Variants in NLGN4X observed in about 807,000 individuals in gnomAD.
NLGN4X encodes neuroligin 4 X-linked.
A neutral mutation model predicts 40.3 loss-of-function variants in NLGN4X; 3 were observed. The observed-to-expected ratio is 0.07, with a 90% CI of 0.03 to 0.19. The LOEUF is 0.19. Ranked by LOEUF, NLGN4X falls within the 10% of genes least tolerant of loss-of-function variation. The pLI is 1.00. For synonymous variants in NLGN4X, 270 were observed against 306.8 expected (o/e 0.88, Z 1.25); for missense variants, 382 against 708.3 (o/e 0.54, Z 5.23).
intron 3 of NLGN4X, among the ~76,000 whole-genome samples, chrX:5,996,448 ACAGAG>A (rs1193449290): frequency 3.6e-5 from 4 of 111,704 alleles, no homozygotes; most frequent in Non-Finnish European, 7.5e-5. Flanking sequence ...CTCCACTTAC[ACAGAG>A]CAAAGGAGGC....
intron 1 of NLGN4X, among the ~76,000 whole-genome samples, chrX:6,202,469 G>T (rs1479802407): frequency 9.2e-6 from 1 of 108,169 alleles, no homozygotes; most frequent in African/African-American, 3.4e-5. Context: ...TCCCGAGTAG[G>T]TAGGACTACA....
At chrX:6,203,751 G>A (rs927317883) in intron 1 of NLGN4X, among the ~76,000 whole-genome samples, 1 of 112,280 alleles carries the variant, frequency 8.9e-6, no homozygotes, top group African/African-American at 3.2e-5. Context: ...ACATCATGAC[G>A]GACCCTGAGC....
At chrX:6,136,926 G>A (rs776376642) in intron 2 of NLGN4X, among the ~76,000 whole-genome samples, 312 of 112,251 alleles carry the variant, frequency 2.8e-3, no homozygotes, top group African/African-American at 9.5e-3. Context: ...GAGGATTTTA[G>A]GAACCAAAAA....
intron 1 of NLGN4X, among the ~76,000 whole-genome samples, chrX:6,210,558 C>T (rs1394312367): frequency 2.7e-5 from 3 of 112,016 alleles, no homozygotes; most frequent in Non-Finnish European, 5.6e-5. Context: ...ATTTACCCAG[C>T]AGCATTCCTT....
intron 3 of NLGN4X, among the ~76,000 whole-genome samples, chrX:6,028,009 GT>G (rs1214067929): frequency 9.1e-6 from 1 of 109,767 alleles, no homozygotes; most frequent in African/African-American, 3.3e-5. Flanking sequence ...TAGAGACAGG[GT>G]TTCACCACTT....
chrX:6,102,272 C>T (rs1460184063), intron 2 of NLGN4X, among the ~76,000 whole-genome samples: 1 of 111,113 alleles, frequency 9.0e-6, no homozygotes, highest in Admixed American at 9.7e-5. Flanking sequence ...TATATACCTA[C>T]CATGTACCCA....
chrX:5,963,170 AAAG>A (rs1418735584), intron 3 of NLGN4X, among the ~76,000 whole-genome samples: 1 of 111,219 alleles, frequency 9.0e-6, no homozygotes, highest in Admixed American at 9.6e-5. Flanking sequence ...TCAGAAAAAA[AAAG>A]AGAAGAGCTG....
chrX:6,224,977 CATATATATATATATAT>C lies in NLGN4X; in HGVS notation c.-306+3548_-306+3563del, dbSNP rs34139921. ...CAAAGAAAATACTCTTTAAAATGGC[CATATATATATATATAT>C]ATATATATATATATATATACACACA... On this transcript the variant is annotated intron_variant, in intron 1 of 5. Transcript: ENST00000381095. Among the ~76,000 whole-genome samples the C allele has an allele frequency of 3.1e-4, 16 of 52,314 alleles. No individual in the cohort carries two copies. In the South Asian group the frequency reaches 6.0e-3, roughly 19 times the overall value. 45.4% of individuals were successfully genotyped at this position (52,314 alleles called of 115,157 possible). A position where few individuals can be genotyped will look rare whatever the true frequency, so the allele number is the denominator to read the frequency against.
chrX:6,132,657 C>A (rs2039706090), intron 2 of NLGN4X, among the ~76,000 whole-genome samples: 1 of 111,779 alleles, frequency 8.9e-6, no homozygotes, highest in African/African-American at 3.3e-5. Context: ...TTGGAAATAT[C>A]TCCACAACCG....
chrX:6,183,546 C>CAAAAAAAAA (rs532961024), intron 1 of NLGN4X, among the ~76,000 whole-genome samples: 1 of 90,261 alleles, frequency 1.1e-5, no homozygotes, highest in African/African-American at 4.1e-5. Context: ...GACTCCGTCT[C>CAAAAAAAAA]AAAAAAAAAA....
chrX:5,980,518 T>G (rs1394718758), intron 3 of NLGN4X, among the ~76,000 whole-genome samples: 1 of 109,239 alleles, frequency 9.2e-6, no homozygotes, highest in African/African-American at 3.3e-5. Context: ...TTTTAAGCTT[T>G]ACATCTAGGT....
At chrX:6,151,827 A>G in intron 1 of NLGN4X, 56 bp from the exon 2 acceptor site, 2 of 261,503 alleles carry the variant, frequency 7.6e-6, no homozygotes, top group Non-Finnish European at 1.4e-5. Flanking sequence ...ACCACCTAGA[A>G]CACTGGCTGG....
chrX:6,188,518 A>G (rs769844682), intron 1 of NLGN4X, among the ~76,000 whole-genome samples: 9 of 110,230 alleles, frequency 8.2e-5, no homozygotes, highest in Non-Finnish European at 1.5e-4. Context: ...ACATTCAAAT[A>G]CTGTCCTTTT....
intron 3 of NLGN4X, among the ~76,000 whole-genome samples, chrX:5,943,471 A>G (rs1177675266): frequency 8.9e-6 from 1 of 112,164 alleles, no homozygotes; most frequent in Admixed American, 9.4e-5. Context: ...GTGTGTTTTA[A>G]GCCACTACAG....
rs983697819 is a variant in NLGN4X, at chrX:5,989,709, C to T, written c.625+39571G>A. The stretch of plus-strand genomic sequence containing the variant: ...GTTACAACTTGTATGTTTTTCATAT[C>T]TGTTTAGTTTCTCCTCTCAAAACTG... On this transcript the variant is annotated intron_variant, in intron 3 of 5. Transcript: ENST00000381095. Among the ~76,000 whole-genome samples the T allele has an allele frequency of 8.1e-5, 9 of 111,351 alleles. No individual in the cohort carries two copies. In the South Asian group the frequency reaches 3.0e-3, roughly 38 times the overall value.
At chrX:5,967,609 G>A (rs2034872366) in intron 3 of NLGN4X, among the ~76,000 whole-genome samples, 1 of 111,613 alleles carries the variant, frequency 9.0e-6, no homozygotes, top group African/African-American at 3.3e-5. Context: ...GTCTTGCACT[G>A]GGGAGAAGGA....
At chrX:6,188,218 A>T (rs2147823572) in intron 1 of NLGN4X, among the ~76,000 whole-genome samples, 1 of 112,431 alleles carries the variant, frequency 8.9e-6, no homozygotes, top group African/African-American at 3.2e-5. Flanking sequence ...ATCAAGTACT[A>T]ATTTTAAAAT....
chrX:6,077,400 T>A (rs768781110), intron 2 of NLGN4X, among the ~76,000 whole-genome samples: 1 of 108,427 alleles, frequency 9.2e-6, no homozygotes, highest in Admixed American at 1.0e-4. Flanking sequence ...CAATTCTCCT[T>A]GCCTCAGCCT....
chrX:6,059,902 A>G (rs753008336), intron 2 of NLGN4X, among the ~76,000 whole-genome samples: 11 of 111,930 alleles, frequency 9.8e-5, no homozygotes, highest in African/African-American at 2.3e-4. Context: ...ATTTCAACAA[A>G]AAGTCTAATA....
Sources: gnomAD v4.1 joint callset for allele counts (sites outside exome capture counted in the v4.1 genomes callset) on GRCh38, gnomAD v4.1.1 for gene constraint, MANE v1.5 for transcripts, NCBI Gene and HGNC (gene_info 2026-07-23, HGNC 2026-07-21) for gene names.